AFF3: variants seen among roughly 807,000 people sequenced by gnomAD.
AFF3 encodes AF4/FMR2 family member 3.
Under a neutral mutation model 129.7 loss-of-function variants are expected in AFF3, and 32 were observed. The ratio of observed to expected loss-of-function variants is 0.25; its 90% CI spans 0.19 to 0.33. The LOEUF (loss-of-function observed/expected upper bound fraction) is 0.33. Ranked by LOEUF, AFF3 falls within the 10% of genes least tolerant of loss-of-function variation. The pLI is 1.00. For synonymous variants in AFF3, 644 were observed against 635.4 expected, an observed-to-expected ratio of 1.01 and a Z score of -0.20; for missense variants, 1,373 against 1,592.0, an observed-to-expected ratio of 0.86 and a Z score of 2.34.
At chr2:99,913,980 C>A (rs1479088076) in intron 7 of AFF3, among the ~76,000 whole-genome samples, 1 of 152,124 alleles carries the variant, frequency 6.6e-6, no homozygotes, top group African/African-American at 2.4e-5. Context: ...TCTAGAAAAT[C>A]ACCATTTGGC....
chr2:100,124,411 C>A (rs1692101480), intron 2 of AFF3, among the ~76,000 whole-genome samples: 1 of 152,096 alleles, frequency 6.6e-6, no homozygotes, highest in Non-Finnish European at 1.5e-5. Context: ...TTATACCCAG[C>A]CAGATATCAA....
Position 100,125,140 on chromosome 2 carries a change from CAT to C in AFF3, c.-145+4082_-145+4083del, listed in dbSNP as rs148770414. Among the ~76,000 whole-genome samples, 370 of 152,184 alleles carry C rather than the reference CAT, an allele frequency of 2.4e-3. 5 individuals carry two copies. In the East Asian group the frequency reaches 0.028, roughly 11 times the overall value. ...TCTTTTAAAGTGGGAAATAAAGAGA[CAT>C]ATTGTTGAAAGTTGATAAAATGAGA... On this transcript the variant is annotated intron_variant, in intron 2 of 24. Transcript: ENST00000672756.
intron 8 of AFF3, among the ~76,000 whole-genome samples, chr2:99,753,334 G>C (rs913098720): frequency 1.3e-5 from 2 of 152,038 alleles, no homozygotes; most frequent in Non-Finnish European, 2.9e-5. Flanking sequence ...TCCTGACCTC[G>C]GGTGACCCGC....
chr2:99,985,816 T>C (rs1679805273), intron 7 of AFF3, among the ~76,000 whole-genome samples: 1 of 152,200 alleles, frequency 6.6e-6, no homozygotes, highest in Admixed American at 6.5e-5. Context: ...GTGATGGTTA[T>C]ACAGGTGTGT....
chr2:100,002,944 C>T (rs558813465), intron 7 of AFF3, among the ~76,000 whole-genome samples: 40 of 152,226 alleles, frequency 2.6e-4, no homozygotes, highest in Middle Eastern at 3.4e-3. Context: ...CATATACATA[C>T]GTATTTTTAA....
chr2:99,740,161 C>T lies in AFF3; in HGVS notation c.1039+3943G>A, dbSNP rs541832811. Among the ~76,000 whole-genome samples, 668 of 151,372 alleles carry T rather than the reference C, an allele frequency of 4.4e-3. 3 individuals are homozygous for T. The highest frequency in any genetic ancestry group is 0.015 in the African/African-American group (633 of 41,370). On this transcript the variant is annotated intron_variant, in intron 10 of 24. Transcript: ENST00000672756. ...GTGAACTCATCATTTTTTATGGCTGCATAGTATTCCATGGTGTATATGTGC... is the reference window on the plus strand; with the variant it reads ...GTGAACTCATCATTTTTTATGGCTGTATAGTATTCCATGGTGTATATGTGC...
At chr2:99,869,745 A>G (rs1178486328) in intron 7 of AFF3, among the ~76,000 whole-genome samples, 1 of 152,158 alleles carries the variant, frequency 6.6e-6, no homozygotes, top group Non-Finnish European at 1.5e-5. Context: ...TATAACTACA[A>G]AACCTTGTTC....
chr2:99,700,975 G>A (rs866241980), intron 11 of AFF3, among the ~76,000 whole-genome samples: 3 of 152,182 alleles, frequency 2.0e-5, no homozygotes, highest in Non-Finnish European at 2.9e-5. Flanking sequence ...TTCACACTTC[G>A]TAAATTCCCG....
chr2:99,953,524 C>G (rs953006767), intron 7 of AFF3, among the ~76,000 whole-genome samples: 21 of 152,252 alleles, frequency 1.4e-4, no homozygotes, highest in African/African-American at 4.8e-4. Flanking sequence ...AATTTTAAAT[C>G]CTTCTATGTC....
intron 7 of AFF3, among the ~76,000 whole-genome samples, chr2:99,880,515 A>T (rs1206832785): frequency 6.6e-6 from 1 of 152,232 alleles, no homozygotes; most frequent in Non-Finnish European, 1.5e-5. Flanking sequence ...ACAGGCGGCC[A>T]TGGGATGGGC....
At chr2:99,624,308 C>T (rs1312595780) in intron 13 of AFF3, among the ~76,000 whole-genome samples, 1 of 152,190 alleles carries the variant, frequency 6.6e-6, no homozygotes, top group East Asian at 1.9e-4. Context: ...TTACAGAAAG[C>T]TCCATGGAGA....
chr2:99,787,739 G>GAACA (rs1023012677), intron 8 of AFF3, among the ~76,000 whole-genome samples: 15 of 152,192 alleles, frequency 9.9e-5, no homozygotes, highest in East Asian at 3.9e-4. Context: ...ACAAACAAAC[G>GAACA]AACAAACAAA....
At chr2:99,944,128 T>C (rs1675335053) in intron 7 of AFF3, among the ~76,000 whole-genome samples, 1 of 152,108 alleles carries the variant, frequency 6.6e-6, no homozygotes, top group Admixed American at 6.5e-5. Flanking sequence ...CTTGAACCCC[T>C]GGGCTCAAGC....
At chr2:99,626,020 T>C (rs1682504257) in intron 13 of AFF3, among the ~76,000 whole-genome samples, 1 of 152,144 alleles carries the variant, frequency 6.6e-6, no homozygotes, top group African/African-American at 2.4e-5. Context: ...CCAGTTCAGG[T>C]ATAGAGAACG....
intron 2 of AFF3, among the ~76,000 whole-genome samples, chr2:100,109,655 G>A (rs754775650): frequency 2.0e-5 from 3 of 152,176 alleles, no homozygotes; most frequent in Non-Finnish European, 4.4e-5. Flanking sequence ...GTTGAGAATA[G>A]GACATAACTA....
chr2:99,554,473 G>T lies in AFF3; in HGVS notation c.3397C>A (p.Gln1133Lys). 1 of 1,613,976 alleles carries T rather than the reference G, an allele frequency of 6.2e-7. No individual in the cohort carries two copies. Among genetic ancestry groups the T allele is most frequent in the Non-Finnish European group, 8.5e-7 (1 of 1,180,026 alleles). Residue 1133 changes from glutamine (Q) to lysine (K), a missense_variant, in exon 24 of 25, where the codon CAG becomes AAG. Physicochemically the swap from Gln to Lys is moderately conservative, Grantham distance 53 (BLOSUM62 1). Coordinates refer to ENST00000672756, the MANE Select transcript of AFF3 (RefSeq NM_001386135.1). The part of the protein sequence containing the change: ...NPSPASSVGS[Q>K]GSLSNASALS... ...GCGCTGGCGTTGGAGAGGCTGCCCT[G>T]AGACCCCACGGAGCTGGCGGGAGAG...
intron 7 of AFF3, among the ~76,000 whole-genome samples, chr2:100,002,251 G>A (rs1681490833): frequency 6.6e-6 from 1 of 152,184 alleles, no homozygotes; most frequent in African/African-American, 2.4e-5. Context: ...CCGACAGGCT[G>A]GTGCCGACTT....
intron 13 of AFF3, among the ~76,000 whole-genome samples, chr2:99,602,112 G>A (rs1249182413): frequency 1.3e-5 from 2 of 152,338 alleles, no homozygotes; most frequent in East Asian, 1.9e-4. Context: ...AGGGCACGGC[G>A]TTCTGCTCTG....
At chr2:99,816,226 C>T (rs886948118) in intron 8 of AFF3, among the ~76,000 whole-genome samples, 2 of 152,052 alleles carry the variant, frequency 1.3e-5, no homozygotes, top group Non-Finnish European at 2.9e-5. Flanking sequence ...ATCTCTTTGG[C>T]GACATGGCCT....
Sources: allele counts gnomAD v4.1 joint callset (sites outside exome capture counted in the v4.1 genomes callset), GRCh38; gene constraint gnomAD v4.1.1; transcripts MANE v1.5; gene names NCBI Gene and HGNC (gene_info 2026-07-23, HGNC 2026-07-21).